RBM19: variants seen among roughly 807,000 people sequenced by gnomAD.
RBM19 encodes RNA binding motif protein 19, also known as probable RNA-binding protein 19.
A neutral mutation model predicts 116.8 loss-of-function variants in RBM19; 94 were observed. The observed-to-expected ratio is 0.80, with a 90% CI of 0.68 to 0.95. The LOEUF is 0.95. RBM19 is among the 40% of genes least tolerant of loss of function. The pLI, the probability that RBM19 is intolerant of heterozygous loss-of-function variation, is 0.00. For synonymous variants in RBM19, 475 were observed against 494.1 expected (o/e 0.96, Z 0.51); for missense variants, 1,161 against 1,220.7 (o/e 0.95, Z 0.73).
chr12:113,819,360 C>T (rs867678886), downstream of RBM19, among the ~76,000 whole-genome samples: 1 of 152,212 alleles, frequency 6.6e-6, no homozygotes. Context: ...TCCTTTCCTA[C>T]GCAAGTGCTC....
chr12:113,948,074 A>G (rs1236217065), intron 10 of RBM19, among the ~76,000 whole-genome samples: 1 of 152,078 alleles, frequency 6.6e-6, no homozygotes, highest in Non-Finnish European at 1.5e-5. Flanking sequence ...GGTCAGGTCA[A>G]TTTTCCTGAT....
downstream of RBM19, chr12:113,817,587 TG>T (rs1232669344): frequency 2.0e-5 from 3 of 152,252 alleles, no homozygotes; most frequent in Admixed American, 2.0e-4. Flanking sequence ...CTCAAGTTTC[TG>T]GGGACGAAAC....
chr12:113,920,529 C>T, intron 19 of RBM19, 82 bp downstream of exon 19: 2 of 1,234,996 alleles, frequency 1.6e-6, no homozygotes, highest in Non-Finnish European at 2.4e-6. Context: ...TACATATTCT[C>T]ACTCAATTTC....
At chr12:113,945,756 A>C in intron 13 of RBM19, 72 bp downstream of exon 13, 1 of 1,313,638 alleles carries the variant, frequency 7.6e-7, no homozygotes. Flanking sequence ...ACAGCAGTAC[A>C]ACGAGCCTCC....
intron 21 of RBM19, among the ~76,000 whole-genome samples, chr12:113,892,564 T>C (rs748599793): frequency 5.9e-5 from 9 of 152,308 alleles, no homozygotes; most frequent in Non-Finnish European, 1.2e-4. Flanking sequence ...TGAAATGATA[T>C]AAAGTGCTGG....
chr12:113,885,728 C>T (rs1320981558), intron 21 of RBM19, among the ~76,000 whole-genome samples: 1 of 152,024 alleles, frequency 6.6e-6, no homozygotes, highest in East Asian at 1.9e-4. Flanking sequence ...GAATGATAAA[C>T]ATTAACTTTG....
chr12:113,938,670 TC>T (rs1262574860), intron 15 of RBM19, among the ~76,000 whole-genome samples: 2 of 152,234 alleles, frequency 1.3e-5, no homozygotes, highest in Admixed American at 1.3e-4. Context: ...GATGAGATCA[TC>T]TTGCATTATC....
At chr12:113,874,809 G>T (rs768035411) in intron 21 of RBM19, among the ~76,000 whole-genome samples, 3 of 152,206 alleles carry the variant, frequency 2.0e-5, no homozygotes, top group Non-Finnish European at 4.4e-5. Context: ...CAGTTCAGAT[G>T]CTCCCCATCC....
chr12:113,916,057 C>A (rs1281240572), intron 20 of RBM19, among the ~76,000 whole-genome samples: 3 of 152,100 alleles, frequency 2.0e-5, no homozygotes, highest in Admixed American at 2.0e-4. Flanking sequence ...CATTCTGGGG[C>A]TATGCTGTCT....
chr12:113,874,855 C>T (rs1205775294), intron 21 of RBM19, among the ~76,000 whole-genome samples: 1 of 152,252 alleles, frequency 6.6e-6, no homozygotes, highest in Non-Finnish European at 1.5e-5. Flanking sequence ...AATGGCCCTA[C>T]ACAACGGCTG....
intron 23 of RBM19, among the ~76,000 whole-genome samples, chr12:113,830,373 T>C (rs1875272213): frequency 6.6e-6 from 1 of 152,020 alleles, no homozygotes; most frequent in Non-Finnish European, 1.5e-5. Flanking sequence ...TGACTGATGT[T>C]ATTAATCTTG....
intron 16 of RBM19, among the ~76,000 whole-genome samples, chr12:113,936,596 C>T (rs1870087050): frequency 6.6e-6 from 1 of 152,202 alleles, no homozygotes; most frequent in Non-Finnish European, 1.5e-5. Context: ...CACGGCTTCC[C>T]CTTCCTTTCC....
At chr12:113,935,816 T>C (rs1470431390) in intron 16 of RBM19, among the ~76,000 whole-genome samples, 4 of 152,144 alleles carry the variant, frequency 2.6e-5, no homozygotes, top group Non-Finnish European at 4.4e-5. Flanking sequence ...GGCAGATCAC[T>C]TGAGGCCAGG....
At chr12:113,896,062 G>A (rs975565603) in intron 21 of RBM19, among the ~76,000 whole-genome samples, 1 of 152,054 alleles carries the variant, frequency 6.6e-6, no homozygotes, top group Non-Finnish European at 1.5e-5. Context: ...AATAAAGGAT[G>A]AACGATTATA....
Position 113,959,717 on chromosome 12 carries a change from C to T in RBM19, c.378+148G>A. 2.9e-6 allele frequency: 3 copies of T among 1,033,522 alleles called. 1 individual carries two copies. Among genetic ancestry groups the T allele is most frequent in the Non-Finnish European group, 4.3e-6 (3 of 693,660 alleles). 64.0% of individuals were successfully genotyped at this position (1,033,522 alleles called of 1,614,324 possible). Reference sequence around the variant, plus strand: ...TCCCTCTCCCAGTGTCCACCCTCTCCAGCCTCTTCCCTTTCCTAGCCTCCA... The same window carrying T: ...TCCCTCTCCCAGTGTCCACCCTCTCTAGCCTCTTCCCTTTCCTAGCCTCCA... On this transcript the variant is annotated intron_variant, in intron 4 of 23. Coordinates refer to ENST00000261741, the MANE Select transcript of RBM19 (RefSeq NM_016196.4).
chr12:113,914,998 G>A lies in RBM19; in HGVS notation c.2529C>T (p.Ala843=). The change falls in exon 21 of 24, where the codon GCC becomes GCT. Residue 843 remains alanine (A), a synonymous_variant. Transcript: ENST00000261741. The part of the protein sequence containing the change: ...KILVRNIPFQ[A]HSREIRELFS... ...AGAGCTCTCGGATCTCCCGGCTGTG[G>A]GCCTGGAAGGGGATGTTCCGCACCA... 1 of 1,614,118 alleles carries A rather than the reference G, an allele frequency of 6.2e-7. No individual in the cohort carries two copies. The highest frequency in any genetic ancestry group is 8.5e-7 in the Non-Finnish European group (1 of 1,179,956).
chr12:113,874,334 C>G (rs1879506089), intron 21 of RBM19, among the ~76,000 whole-genome samples: 2 of 152,338 alleles, frequency 1.3e-5, no homozygotes, highest in Non-Finnish European at 2.9e-5. Context: ...TCTGGCCCCT[C>G]TCATGATCGG....
rs1871117119 is a variant in RBM19 at position 113,947,377 on chromosome 12, T to C, written c.1364A>G (p.His455Arg). ...FAFITFMFPEHAVKAYSEVDG... is the reference protein window; with the variant it reads ...FAFITFMFPERAVKAYSEVDG... ...CACCTCCGAGTAGGCCTTCACAGCG[T>C]GCTCAGGGAACATGAAGGTGATGAA... Residue 455 changes from histidine to arginine, a missense_variant, in exon 11 of 24, where the codon CAC becomes CGC. His to Arg is a conservative substitution (Grantham distance 29). Coordinates refer to ENST00000261741, the MANE Select transcript of RBM19 (RefSeq NM_016196.4). 3.1e-6 allele frequency: 5 copies of C among 1,609,992 alleles called. No homozygotes were observed. The African/African-American group carries it at 6.7e-5, about 21-fold the overall frequency.
intron 2 of RBM19, among the ~76,000 whole-genome samples, 196 bp downstream of exon 2, chr12:113,962,035 TG>T (rs892921182): frequency 6.6e-6 from 1 of 152,234 alleles, no homozygotes; most frequent in African/African-American, 2.4e-5. Flanking sequence ...TCAGATGCTC[TG>T]GGGACGGGCC....
Sources: allele counts gnomAD v4.1 joint callset (sites outside exome capture counted in the v4.1 genomes callset), GRCh38; gene constraint gnomAD v4.1.1; transcripts MANE v1.5; gene names NCBI Gene and HGNC (gene_info 2026-07-23, HGNC 2026-07-21).